PRR5L: variants seen among roughly 807,000 people sequenced by gnomAD.
PRR5L encodes the protein proline-rich protein 5-like.
A neutral mutation model predicts 36.4 loss-of-function variants in PRR5L; 21 were observed. The ratio of observed to expected loss-of-function variants is 0.58; its 90% CI spans 0.41 to 0.83. PRR5L has a LOEUF of 0.83. Ranked by LOEUF, PRR5L falls within the 40% of genes least tolerant of loss-of-function variation. The pLI is 0.00. For missense variants in PRR5L, 381 were observed against 473.3 expected (o/e 0.80, Z 1.81); for synonymous variants, 188 against 197.0 (o/e 0.95, Z 0.38).
rs1859249387 is a variant in PRR5L at position 36,464,227 on chromosome 11, G to A, written c.*1491G>A. The stretch of plus-strand genomic sequence containing the variant: ...CAAGGCTCCCCCTCTGACCCTTCCT[G>A]TTGGTATTTATGAAATCTCAAAGAG... On this transcript the variant is annotated 3_prime_UTR_variant, in exon 9 of 9. Coordinates refer to ENST00000530639, the MANE Select transcript of PRR5L (RefSeq NM_001160167.2). 1 of 152,234 alleles carries A rather than the reference G, an allele frequency of 6.6e-6. No individual in the cohort carries two copies. Among genetic ancestry groups the A allele is most frequent in the South Asian group, 2.1e-4 (1 of 4,822 alleles). 9.4% of individuals were successfully genotyped at this position (152,234 alleles called of 1,614,324 possible).
chr11:36,404,403 G>A (rs1272798041), intron 3 of PRR5L, among the ~76,000 whole-genome samples: 1 of 151,812 alleles, frequency 6.6e-6, no homozygotes, highest in Non-Finnish European at 1.5e-5. Context: ...CCTGAGCTGG[G>A]ATCACAGGTG....
At chr11:36,439,136 A>T (rs978856881) in intron 6 of PRR5L, among the ~76,000 whole-genome samples, 1 of 152,164 alleles carries the variant, frequency 6.6e-6, no homozygotes, top group Admixed American at 6.5e-5. Context: ...TTGAATCAGT[A>T]CCTGGCGCCT....
chr11:36,403,242 T>G, intron 2 of PRR5L, 56 bp from the exon 3 acceptor site: 3 of 1,518,672 alleles, frequency 2.0e-6, no homozygotes, highest in South Asian at 2.3e-5. Flanking sequence ...GAGCTGCTAT[T>G]GAAATGGCCC....
intron 1 of PRR5L, among the ~76,000 whole-genome samples, chr11:36,370,890 A>AAAAAC (rs1236157014): frequency 7.3e-5 from 11 of 151,350 alleles, no homozygotes; most frequent in Non-Finnish European, 8.8e-5. Context: ...CAAAAAAAAA[A>AAAAAC]ACAAACAAAA....
At chr11:36,352,055 A>C (rs1856981061) in intron 1 of PRR5L, among the ~76,000 whole-genome samples, 1 of 151,868 alleles carries the variant, frequency 6.6e-6, no homozygotes, top group South Asian at 2.1e-4. Flanking sequence ...GTGTAAAAAA[A>C]TTGTTCCCTT....
At chr11:36,310,713 C>T (rs1427657577) in intron 1 of PRR5L, among the ~76,000 whole-genome samples, 1 of 152,066 alleles carries the variant, frequency 6.6e-6, no homozygotes, top group Non-Finnish European at 1.5e-5. Flanking sequence ...AGAATGTTCT[C>T]AGGGGCTGGG....
chr11:36,401,295 G>A lies in PRR5L; in HGVS notation c.164+10G>A, dbSNP rs1857789727. The A allele has an allele frequency of 6.2e-7, 1 of 1,608,342 alleles. No homozygotes were observed. The highest frequency in any genetic ancestry group is 1.7e-5 in the Admixed American group (1 of 59,958). Reference sequence around the variant, plus strand: ...GCTCAGCCTGGAACAGGTGAAGGAGGCTGCAGGATGTGGGGTGGAGGGCTG... The same window carrying A: ...GCTCAGCCTGGAACAGGTGAAGGAGACTGCAGGATGTGGGGTGGAGGGCTG... On this transcript the variant is annotated intron_variant, in intron 2 of 8. Transcript: ENST00000530639.
intron 1 of PRR5L, among the ~76,000 whole-genome samples, chr11:36,327,083 C>T (rs1190778158): frequency 1.3e-5 from 2 of 152,224 alleles, no homozygotes; most frequent in African/African-American, 4.8e-5. Flanking sequence ...TTAACACAAC[C>T]TGTGGAAGCA....
At chr11:36,364,617 ACT>A (rs1857125875) in intron 1 of PRR5L, among the ~76,000 whole-genome samples, 1 of 152,148 alleles carries the variant, frequency 6.6e-6, no homozygotes, top group Admixed American at 6.5e-5. Context: ...ATTATTACAA[ACT>A]CAAAAAAAGT....
chr11:36,433,794 T>C (rs900291243), intron 5 of PRR5L, among the ~76,000 whole-genome samples: 1 of 152,158 alleles, frequency 6.6e-6, no homozygotes, highest in Admixed American at 6.5e-5. Flanking sequence ...TCCACCGCCT[T>C]GGCCTCCCAA....
At chr11:36,309,384 C>T (rs1424368177) in intron 1 of PRR5L, among the ~76,000 whole-genome samples, 2 of 152,220 alleles carry the variant, frequency 1.3e-5, no homozygotes, top group East Asian at 1.9e-4. Context: ...GTTTAGCTCA[C>T]GTCTAGTCTG....
chr11:36,438,113 C>A (rs553155120), intron 6 of PRR5L, among the ~76,000 whole-genome samples: 19 of 152,162 alleles, frequency 1.2e-4, no homozygotes, highest in African/African-American at 4.6e-4. Flanking sequence ...ATTCTGTGGC[C>A]TCTACTCCTA....
At chr11:36,332,140 A>G (rs1197403541) in intron 1 of PRR5L, among the ~76,000 whole-genome samples, 1 of 152,146 alleles carries the variant, frequency 6.6e-6, no homozygotes, top group African/African-American at 2.4e-5. Context: ...TTTGAAGTTA[A>G]AAGGAGGTAC....
At chr11:36,407,343 G>T (rs964337566) in intron 3 of PRR5L, among the ~76,000 whole-genome samples, 2 of 152,180 alleles carry the variant, frequency 1.3e-5, no homozygotes, top group Admixed American at 6.5e-5. Flanking sequence ...AAAATGAAAA[G>T]CTGGGCGTGA....
chr11:36,304,818 C>T (rs1467468989), intron 1 of PRR5L, among the ~76,000 whole-genome samples: 1 of 151,656 alleles, frequency 6.6e-6, no homozygotes, highest in African/African-American at 2.4e-5. Context: ...CAAATGAAAA[C>T]CATGATGAGA....
Position 36,403,360 on chromosome 11 carries a change from C to G in PRR5L, c.227C>G (p.Ala76Gly). 3 of 1,613,936 alleles carry G rather than the reference C, an allele frequency of 1.9e-6. No homozygotes were observed. Among genetic ancestry groups the G allele is most frequent in the Non-Finnish European group, 1.7e-6 (2 of 1,179,950 alleles). ...GGCTTGCAAAGCAACGAGCTCTATGCCCTGAACGAAAACATCAGGTATGTG... is the reference window on the plus strand; with the variant it reads ...GGCTTGCAAAGCAACGAGCTCTATGGCCTGAACGAAAACATCAGGTATGTG... ...GGGLQSNELY[A>G]LNENIRRLLK... is the part of the protein sequence containing the mutation. Residue 76 changes from alanine (A) to glycine (G), a missense_variant, in exon 3 of 9, where the codon GCC becomes GGC. Coordinates refer to ENST00000530639, the MANE Select transcript of PRR5L (RefSeq NM_001160167.2).
In PRR5L at chr11:36,463,070, A is replaced by C; in HGVS notation, c.*334A>C. 1.3e-5 allele frequency: 3 copies of C among 227,426 alleles called. No individual in the cohort carries two copies. The highest frequency in any genetic ancestry group is 2.6e-5 in the Non-Finnish European group (3 of 117,174). 14.1% of individuals were successfully genotyped at this position (227,426 alleles called of 1,614,324 possible). A position where few individuals can be genotyped will look rare whatever the true frequency, so the allele number is the denominator to read the frequency against. On this transcript the variant is annotated 3_prime_UTR_variant, in exon 9 of 9. Coordinates refer to ENST00000530639, the MANE Select transcript of PRR5L (RefSeq NM_001160167.2). ...CCTGATGCTCCCAATGACATATCCAATGCTCCTGGCATTTCTGGAGCAGGA... is the reference window on the plus strand; with the variant it reads ...CCTGATGCTCCCAATGACATATCCACTGCTCCTGGCATTTCTGGAGCAGGA...
intron 1 of PRR5L, among the ~76,000 whole-genome samples, chr11:36,330,644 G>T (rs1856709060): frequency 6.6e-6 from 1 of 152,146 alleles, no homozygotes; most frequent in African/African-American, 2.4e-5. Context: ...ACTTAAAATG[G>T]CTGTGGTTAA....
At chr11:36,340,937 C>A (rs1433961440) in intron 1 of PRR5L, among the ~76,000 whole-genome samples, 4 of 152,292 alleles carry the variant, frequency 2.6e-5, no homozygotes, top group Middle Eastern at 3.4e-3. Context: ...GTAGAGAGAG[C>A]TTTCTTCTAT....
Sources: gnomAD v4.1 joint callset for allele counts (sites outside exome capture counted in the v4.1 genomes callset) on GRCh38, gnomAD v4.1.1 for gene constraint, MANE v1.5 for transcripts, NCBI Gene and HGNC (gene_info 2026-07-23, HGNC 2026-07-21) for gene names.